Variants in GRK7 observed in about 807,000 individuals in gnomAD.
GRK7 encodes rhodopsin kinase GRK7.
A neutral mutation model predicts 34.1 loss-of-function variants in GRK7; 24 were observed. The observed-to-expected ratio is 0.70, with a 90% CI of 0.51 to 0.99. The LOEUF (loss-of-function observed/expected upper bound fraction) is 0.99, where lower values mean the gene tolerates loss of function less well. Ranked by LOEUF, GRK7 falls within the 50% of genes least tolerant of loss-of-function variation. The pLI, the probability that GRK7 is intolerant of heterozygous loss-of-function variation, is 0.00. For synonymous variants in GRK7, 256 were observed against 279.4 expected (o/e 0.92, Z 0.84); for missense variants, 644 against 707.3 (o/e 0.91, Z 1.02).
chr3:141,816,232 C>T (rs571963514), intron 5 of GRK7, among the ~76,000 whole-genome samples: 1 of 152,044 alleles, frequency 6.6e-6, no homozygotes, highest in East Asian at 1.9e-4. Flanking sequence ...ATTATTGTGG[C>T]AGTTGGGGAG....
chr3:141,779,423 A>AAAG (rs1553735434), intron 3 of GRK7, among the ~76,000 whole-genome samples: 4 of 150,532 alleles, frequency 2.7e-5, no homozygotes, highest in African/African-American at 9.7e-5. Flanking sequence ...AAAAAAAAAA[A>AAAG]AAAGAAAGAA....
chr3:141,807,675 A>T lies in GRK7; in HGVS notation c.1081A>T (p.Ile361Phe). Residue 361 changes from isoleucine (I) to phenylalanine (F), a missense_variant, in exon 5 of 6, where the codon ATC becomes TTC. Coordinates refer to ENST00000682958, the MANE Select transcript of GRK7 (RefSeq NM_139209.3). ...AACCAATGGTTACATGGCTCCTGAG[A>T]TCCTAATGGAAAAGGTAAGTTATTC... ...AGTNGYMAPE[I>F]LMEKVSYSYP... 1 of 1,614,180 alleles carries T rather than the reference A, an allele frequency of 6.2e-7. No homozygotes were observed. The highest frequency in any genetic ancestry group is 1.1e-5 in the South Asian group (1 of 91,082).
the GRK7 span, among the ~76,000 whole-genome samples, chr3:141,757,126 C>CTTT: frequency 2.2e-5 from 2 of 92,648 alleles, no homozygotes; most frequent in African/African-American, 3.5e-5. Flanking sequence ...CTTAGATCTT[C>CTTT]TTCTTTTTTT....
chr3:141,763,994 T>C lies in GRK7; in HGVS notation c.-1959T>C, dbSNP rs1003274658. Among the ~76,000 whole-genome samples the C allele has an allele frequency of 1.3e-5, 2 of 152,150 alleles. No individual in the cohort carries two copies. The highest frequency in any genetic ancestry group is 4.8e-5 in the African/African-American group (2 of 41,432). ...CCTGGCAACATGCAAGACGTCTTCATTTCTCTTCATTGCTGCTCTCCTTCC... is the reference window on the plus strand; with the variant it reads ...CCTGGCAACATGCAAGACGTCTTCACTTCTCTTCATTGCTGCTCTCCTTCC... On this transcript the variant is annotated 5_prime_UTR_variant, in exon 1 of 6. Coordinates refer to ENST00000682958, the MANE Select transcript of GRK7 (RefSeq NM_139209.3).
rs759391434 is a variant in GRK7 at position 141,780,691 on chromosome 3, C to A, written c.930C>A (p.Leu310=). 9.3e-6 allele frequency: 15 copies of A among 1,614,050 alleles called. No individual in the cohort carries two copies. In the African/African-American group the frequency reaches 1.7e-4, roughly 19 times the overall value. ...IACGMLHLHE[L]GIVYRDMKPE... ...GTGGGATGCTGCACCTCCATGAACT[C>A]GGCATCGTCTATCGGGACATGAAGC... Residue 310 remains leucine (L), a synonymous_variant, in exon 4 of 6, where the codon CTC becomes CTA. Coordinates refer to ENST00000682958, the MANE Select transcript of GRK7 (RefSeq NM_139209.3).
At chr3:141,797,401 G>T (rs1418810925) in intron 4 of GRK7, among the ~76,000 whole-genome samples, 1 of 152,170 alleles carries the variant, frequency 6.6e-6, no homozygotes, top group Non-Finnish European at 1.5e-5. Flanking sequence ...GCATTCCTCC[G>T]AGGTCTGCAA....
At chr3:141,786,412 G>A (rs2084696337) in intron 4 of GRK7, among the ~76,000 whole-genome samples, 1 of 152,130 alleles carries the variant, frequency 6.6e-6, no homozygotes, top group Non-Finnish European at 1.5e-5. Flanking sequence ...GACAAGACCC[G>A]TGAGTATGAT....
At chr3:141,814,810 G>A (rs1279580596) in intron 5 of GRK7, among the ~76,000 whole-genome samples, 5 of 151,894 alleles carry the variant, frequency 3.3e-5, no homozygotes, top group Admixed American at 1.3e-4. Flanking sequence ...CTGCTTTCCA[G>A]AATGGCTGAA....
At chr3:141,796,885 G>C (rs1710886169) in intron 4 of GRK7, among the ~76,000 whole-genome samples, 1 of 152,192 alleles carries the variant, frequency 6.6e-6, no homozygotes, top group African/African-American at 2.4e-5. Flanking sequence ...GGTAACAACA[G>C]CCGCTAATAC....
chr3:141,801,103 G>T (rs549179793), intron 4 of GRK7, among the ~76,000 whole-genome samples: 1 of 152,138 alleles, frequency 6.6e-6, no homozygotes, highest in South Asian at 2.1e-4. Context: ...AAGGTCCTGA[G>T]ATCGAGACCA....
rs796539386 is a variant in GRK7 at position 141,789,663 on chromosome 3, A to AAAAAAAAAAAAAAAAAAC, written c.1050+8859_1050+8860insAAAAAAAAAACAAAAAAA. ...GACTGGATGCCAAATGGGCAAAAAA[A>AAAAAAAAAAAAAAAAAAC]AAAAAAACACAAAACAGTGGAGGCC... On this transcript the variant is annotated intron_variant, in intron 4 of 5. Coordinates refer to ENST00000682958, the MANE Select transcript of GRK7 (RefSeq NM_139209.3). Among the ~76,000 whole-genome samples, 167 of 146,796 alleles carry AAAAAAAAAAAAAAAAAAC rather than the reference A, an allele frequency of 1.1e-3. 1 individual carries two copies. Among genetic ancestry groups the AAAAAAAAAAAAAAAAAAC allele is most frequent in the African/African-American group, 1.9e-3 (75 of 38,946 alleles).
intron 3 of GRK7, among the ~76,000 whole-genome samples, chr3:141,779,423 AAAAG>A (rs1553735435): frequency 1.7e-4 from 26 of 150,632 alleles, no homozygotes; most frequent in South Asian, 1.3e-3. Flanking sequence ...AAAAAAAAAA[AAAAG>A]AAAGAAAGAA....
chr3:141,780,622 C>A lies in GRK7; in HGVS notation c.861C>A (p.Gly287=). ...KFHIYNVGTR[G]LDMSRVIFYS... is the part of the protein sequence containing the mutation. The stretch of plus-strand genomic sequence containing the variant: ...ACATCTACAACGTGGGCACGCGTGG[C>A]CTGGACATGAGCCGGGTGATCTTTT... The change falls in exon 4 of 6, where the codon GGC becomes GGA. Residue 287 remains glycine, a synonymous_variant. Coordinates refer to ENST00000682958, the MANE Select transcript of GRK7 (RefSeq NM_139209.3). The A allele has an allele frequency of 6.2e-7, 1 of 1,614,214 alleles. No homozygotes were observed. The highest frequency in any genetic ancestry group is 8.5e-7 in the Non-Finnish European group (1 of 1,180,042).
At chr3:141,797,659 C>A (rs116096339) in intron 4 of GRK7, among the ~76,000 whole-genome samples, 403 of 152,204 alleles carry the variant, frequency 2.6e-3, no homozygotes, top group African/African-American at 9.3e-3. Flanking sequence ...GAGGCATCCG[C>A]GGGCGATTTC....
intron 1 of GRK7, among the ~76,000 whole-genome samples, chr3:141,773,794 A>G (rs2084627175): frequency 6.6e-6 from 1 of 152,200 alleles, no homozygotes; most frequent in Non-Finnish European, 1.5e-5. Context: ...CTCAAAGCTT[A>G]CCCAAGAATC....
At chr3:141,750,240 A>T in the GRK7 span, among the ~76,000 whole-genome samples, 1 of 152,224 alleles carries the variant, frequency 6.6e-6, no homozygotes, top group Non-Finnish European at 1.5e-5. Flanking sequence ...TTTGCAATCA[A>T]CCTGCTCCTT....
rs545622235 is a variant in GRK7, at chr3:141,779,007, T to A, written c.612+111T>A. 2.2e-4 allele frequency: 235 copies of A among 1,047,992 alleles called. No homozygotes were observed. In the African/African-American group the frequency reaches 3.6e-3, roughly 16 times the overall value. 64.9% of individuals were successfully genotyped at this position (1,047,992 alleles called of 1,614,324 possible). Reference sequence around the variant, plus strand: ...TTACTTAGAACTAATTTCAGCACCATATGTGGAGGATTTCTAGCCCCGTCT... The same window carrying A: ...TTACTTAGAACTAATTTCAGCACCAAATGTGGAGGATTTCTAGCCCCGTCT... On this transcript the variant is annotated intron_variant, in intron 3 of 5. Coordinates refer to ENST00000682958, the MANE Select transcript of GRK7 (RefSeq NM_139209.3).
chr3:141,818,962 A>G lies in GRK7; in HGVS notation c.*1912A>G, dbSNP rs1711182662. Among the ~76,000 whole-genome samples the G allele has an allele frequency of 1.3e-5, 2 of 152,144 alleles. No homozygotes were observed. Among genetic ancestry groups the G allele is most frequent in the Non-Finnish European group, 2.9e-5 (2 of 68,032 alleles). On this transcript the variant is annotated 3_prime_UTR_variant, in exon 6 of 6. Transcript: ENST00000682958. ...TTCCCGCTCCTCCTCCATCCTCAGC[A>G]TGCTCCCTAATGCTCCAAATCCTAA... is the stretch of plus-strand genomic sequence containing the variant.
rs1346983589 is a variant in GRK7 at position 141,780,528 on chromosome 3, A to T, written c.767A>T (p.Tyr256Phe). The T allele has an allele frequency of 1.2e-6, 2 of 1,614,118 alleles. No individual in the cohort carries two copies. The highest frequency in any genetic ancestry group is 1.7e-6 in the Non-Finnish European group (2 of 1,180,052). The part of the protein sequence containing the change: ...VSSPFIVSLA[Y>F]AFESKTHLCL... The stretch of plus-strand genomic sequence containing the variant: ...AGCCCTTTCATTGTCTCTCTGGCCT[A>T]TGCCTTTGAGAGCAAGACCCATCTC... Residue 256 changes from tyrosine to phenylalanine, a missense_variant, in exon 4 of 6, where the codon TAT becomes TTT. Coordinates refer to ENST00000682958, the MANE Select transcript of GRK7 (RefSeq NM_139209.3).
Sources: gnomAD v4.1 joint callset for allele counts (sites outside exome capture counted in the v4.1 genomes callset) on GRCh38, gnomAD v4.1.1 for gene constraint, MANE v1.5 for transcripts, NCBI Gene and HGNC (gene_info 2026-07-23, HGNC 2026-07-21) for gene names.